Variants in PIAS2 observed in about 807,000 individuals in gnomAD.
PIAS2 encodes the protein E3 SUMO-protein ligase PIAS2.
Under a neutral mutation model 69.7 loss-of-function variants are expected in PIAS2, and 19 were observed. The ratio of observed to expected loss-of-function variants is 0.27; its 90% CI spans 0.19 to 0.40. The LOEUF (loss-of-function observed/expected upper bound fraction) is 0.40. PIAS2 is among the 10% of genes least tolerant of loss of function. The pLI, the probability that PIAS2 is intolerant of heterozygous loss-of-function variation, is 1.00. For synonymous variants in PIAS2, 261 were observed against 263.2 expected (o/e 0.99, Z 0.08); for missense variants, 624 against 757.0 (o/e 0.82, Z 2.06).
At position 46,828,083 on chromosome 18, in the gene PIAS2, C is replaced by T; in HGVS notation, c.1384G>A (p.Ala462Thr). The T allele has an allele frequency of 6.2e-7, 1 of 1,613,720 alleles. No individual in the cohort carries two copies. The highest frequency in any genetic ancestry group is 8.5e-7 in the Non-Finnish European group (1 of 1,179,782). The stretch of plus-strand genomic sequence containing the variant: ...ATAACATCTACTTTCTTCTTGCTTG[C>T]CTCACTGGCTACAGTCACTGAACAA... The part of the protein sequence containing the change: ...KPCSVTVASE[A>T]SKKKVDVIDL... The change falls in exon 11 of 14, where the codon GCA (alanine) becomes ACA (threonine). Residue 462 changes from alanine (A) to threonine (T), a missense_variant. Physicochemically the swap from Ala to Thr is moderately conservative, Grantham distance 58 (BLOSUM62 0). Coordinates refer to ENST00000585916, the MANE Select transcript of PIAS2 (RefSeq NM_004671.5).
At chr18:46,815,907 C>G in intron 12 of PIAS2, 1 of 985,488 alleles carries the variant, frequency 1.0e-6, no homozygotes, top group Non-Finnish European at 1.2e-6. Flanking sequence ...TCAAGGGTTA[C>G]TGGGTTCTGA....
rs773790093 is a variant in PIAS2, at chr18:46,864,172, G to A, written c.576C>T (p.Cys192=). ...CCAAATATTCCTCTTACCTGGATAT[G>A]CATATCTCTCTAACTTGTTGAGGTG... ...ALTPQQVREI[C]ISRDFLPGGR... is the part of the protein sequence containing the mutation. Residue 192 remains cysteine (C), a synonymous_variant, in exon 3 of 14, where the codon TGC becomes TGT. Coordinates refer to ENST00000585916, the MANE Select transcript of PIAS2 (RefSeq NM_004671.5). The A allele has an allele frequency of 1.4e-5, 21 of 1,541,360 alleles. No homozygotes were observed. The highest frequency in any genetic ancestry group is 1.8e-5 in the Non-Finnish European group (20 of 1,126,244).
At chr18:46,873,945 A>G (rs2050765279) in intron 2 of PIAS2, among the ~76,000 whole-genome samples, 1 of 152,114 alleles carries the variant, frequency 6.6e-6, no homozygotes, top group Non-Finnish European at 1.5e-5. Flanking sequence ...TAAAAATAGG[A>G]GCCAAGGAAA....
intron 9 of PIAS2, among the ~76,000 whole-genome samples, chr18:46,831,591 C>A (rs905699161): frequency 6.6e-6 from 1 of 152,138 alleles, no homozygotes; most frequent in Non-Finnish European, 1.5e-5. Flanking sequence ...TACCTGACTT[C>A]CAGCAAATGC....
At chr18:46,815,845 C>T in intron 12 of PIAS2, 1 of 987,830 alleles carries the variant, frequency 1.0e-6, no homozygotes, top group Non-Finnish European at 1.2e-6. Context: ...AGTACATAGT[C>T]CAACGCTCTG....
intron 12 of PIAS2, chr18:46,816,005 C>T (rs1003702528): frequency 1.0e-6 from 1 of 984,662 alleles, no homozygotes; most frequent in Admixed American, 6.1e-5. Flanking sequence ...CAGTAATATA[C>T]TTTTGACATA....
At chr18:46,814,542 A>T (rs751892956) in intron 13 of PIAS2, among the ~76,000 whole-genome samples, 2 of 152,154 alleles carry the variant, frequency 1.3e-5, no homozygotes, top group Admixed American at 6.5e-5. Flanking sequence ...GCTGCTGTTC[A>T]TGTAATCAGA....
intron 7 of PIAS2, 74 bp from the exon 8 acceptor site, chr18:46,844,201 A>G: frequency 4.6e-6 from 3 of 655,694 alleles, no homozygotes. Context: ...AGAAATATAT[A>G]GCATCTTAAA....
chr18:46,816,335 G>T, intron 12 of PIAS2: 1 of 957,126 alleles, frequency 1.0e-6, no homozygotes, highest in Non-Finnish European at 1.2e-6. Context: ...AAAAATTTAA[G>T]TATATTTATT....
intron 1 of PIAS2, among the ~76,000 whole-genome samples, chr18:46,899,359 G>A (rs1396121539): frequency 6.6e-6 from 1 of 152,172 alleles, no homozygotes; most frequent in African/African-American, 2.4e-5. Context: ...AGCATTCCAA[G>A]GCATTCCATA....
chr18:46,919,603 C>T (rs557417615), upstream of PIAS2, among the ~76,000 whole-genome samples: 11 of 150,712 alleles, frequency 7.3e-5, no homozygotes, highest in East Asian at 3.9e-4. Context: ...GAGCTGCGAT[C>T]GCACCATTGC....
intron 3 of PIAS2, among the ~76,000 whole-genome samples, chr18:46,857,978 A>C (rs2048086093): frequency 6.6e-6 from 1 of 152,218 alleles, no homozygotes; most frequent in Non-Finnish European, 1.5e-5. Context: ...GCCTTAACAG[A>C]AAATAAGTAC....
In PIAS2 at chr18:46,810,174, G is replaced by C. The variant is rs1599221281; in HGVS notation, c.*2259C>G. 7.0e-6 allele frequency: 1 copy of C among 143,850 alleles called. No homozygotes were observed. The highest frequency in any genetic ancestry group is 1.5e-5 in the Non-Finnish European group (1 of 65,600). The allele number at this position is 143,850 out of a possible 1,614,324, so 8.9% of individuals were successfully genotyped here. On this transcript the variant is annotated 3_prime_UTR_variant, in exon 14 of 14. Transcript: ENST00000585916. ...AACACCAAAACCGAACATTAAAACT[G>C]TTCACAGAAAATAGAAAAAAAAACA...
intron 5 of PIAS2, among the ~76,000 whole-genome samples, chr18:46,850,523 C>A (rs1010678293): frequency 6.6e-6 from 1 of 151,924 alleles, no homozygotes; most frequent in African/African-American, 2.4e-5. Flanking sequence ...ATTTTTAAAG[C>A]CAGTCATTAG....
intron 1 of PIAS2, among the ~76,000 whole-genome samples, chr18:46,903,280 A>G (rs1392446290): frequency 6.6e-6 from 1 of 152,200 alleles, no homozygotes; most frequent in Non-Finnish European, 1.5e-5. Context: ...CAACAGACTC[A>G]AAGAAAATAT....
At chr18:46,918,155 G>T (rs1046229649), upstream of PIAS2, 1 of 152,098 alleles carries the variant, frequency 6.6e-6, no homozygotes, top group South Asian at 2.1e-4. Flanking sequence ...AGCTAGGAAG[G>T]AGTCAAACGC....
At chr18:46,837,344 CTTATT>C (rs138856787) in intron 8 of PIAS2, among the ~76,000 whole-genome samples, 2,191 of 151,906 alleles carry the variant, frequency 0.014, 51 homozygotes, top group African/African-American at 0.05. Context: ...CTACATTCCT[CTTATT>C]TTAAGTGGTA....
rs1195562063 is a variant in PIAS2, at chr18:46,806,677, A to G, written c.*5756T>C. 2 of 151,922 alleles carry G rather than the reference A, an allele frequency of 1.3e-5. No homozygotes were observed. The highest frequency in any genetic ancestry group is 4.8e-5 in the African/African-American group (2 of 41,372). 9.4% of individuals were successfully genotyped at this position (151,922 alleles called of 1,614,324 possible). A position where few individuals can be genotyped will look rare whatever the true frequency, so the allele number is the denominator to read the frequency against. On this transcript the variant is annotated 3_prime_UTR_variant, in exon 14 of 14. Transcript: ENST00000585916. ...AGCTTAAGAATTCTTGATTTTTGGAACCTTGATTATAAGCTGCCTGATGTC... is the reference window on the plus strand; with the variant it reads ...AGCTTAAGAATTCTTGATTTTTGGAGCCTTGATTATAAGCTGCCTGATGTC...
intron 1 of PIAS2, among the ~76,000 whole-genome samples, chr18:46,911,251 T>C (rs967538413): frequency 6.6e-6 from 1 of 151,786 alleles, no homozygotes; most frequent in Non-Finnish European, 1.5e-5. Flanking sequence ...AGCCTTGCTT[T>C]GTCACCCAGC....
Sources: allele counts gnomAD v4.1 joint callset (sites outside exome capture counted in the v4.1 genomes callset), GRCh38; gene constraint gnomAD v4.1.1; transcripts MANE v1.5; gene names NCBI Gene and HGNC (gene_info 2026-07-23, HGNC 2026-07-21).